TENT4B: variants seen among roughly 807,000 people sequenced by gnomAD.
TENT4B encodes PAP associated domain containing 5.
A neutral mutation model predicts 75.0 loss-of-function variants in TENT4B; 10 were observed. The observed-to-expected ratio is 0.13, with a 90% confidence interval of 0.08 to 0.23. TENT4B has a LOEUF of 0.23. Among genes scored for constraint, TENT4B ranks in the 10% least tolerant of loss-of-function variants. TENT4B has a pLI of 1.00. For synonymous variants in TENT4B, 350 were observed against 357.7 expected, an observed-to-expected ratio of 0.98 and a Z score of 0.24; for missense variants, 579 against 893.8, an observed-to-expected ratio of 0.65 and a Z score of 4.49.
chr16:50,153,887 G>T lies in TENT4B; in HGVS notation c.266G>T (p.Arg89Leu). Residue 89 changes from arginine (R) to leucine (L), a missense_variant, in exon 1 of 12, where the codon CGC becomes CTC. By Grantham distance (102) the Arg-to-Leu change is moderately radical. Transcript: ENST00000561678. ...GCCGGCATGTATCGCTCCGGGGAGC[G>T]CCTGCTGGGCAGCCACGCGCTGCCC... is the stretch of plus-strand genomic sequence containing the variant. ...APAGMYRSGE[R>L]LLGSHALPAE... 2.0e-6 allele frequency: 3 copies of T among 1,514,090 alleles called. No homozygotes were observed. The highest frequency in any genetic ancestry group is 1.8e-6 in the Non-Finnish European group (2 of 1,138,406). 93.8% of individuals were successfully genotyped at this position (1,514,090 alleles called of 1,614,324 possible).
At chr16:50,165,547 C>T (rs534229843) in intron 1 of TENT4B, among the ~76,000 whole-genome samples, 27 of 152,128 alleles carry the variant, frequency 1.8e-4, no homozygotes, top group African/African-American at 6.5e-4. Flanking sequence ...TTTTCATCAC[C>T]CCAGAAAGAA....
chr16:50,180,103 T>C (rs1237595327), intron 1 of TENT4B, among the ~76,000 whole-genome samples: 2 of 67,926 alleles, frequency 2.9e-5, no homozygotes, highest in East Asian at 8.3e-4. Flanking sequence ...CTTTCTTTTT[T>C]TCTTTTTCTT....
intron 1 of TENT4B, among the ~76,000 whole-genome samples, chr16:50,176,228 G>A (rs1263523301): frequency 6.6e-6 from 1 of 150,908 alleles, no homozygotes; most frequent in Non-Finnish European, 1.5e-5. Context: ...CTGGGATTAT[G>A]GGTGCCCATG....
At chr16:50,161,315 G>A (rs761350905) in intron 1 of TENT4B, among the ~76,000 whole-genome samples, 1 of 152,164 alleles carries the variant, frequency 6.6e-6, no homozygotes, top group African/African-American at 2.4e-5. Flanking sequence ...TTGAGTTAAA[G>A]ATTTTTGGGA....
intron 1 of TENT4B, among the ~76,000 whole-genome samples, chr16:50,168,220 ACTGC>A (rs1291319080): frequency 6.6e-6 from 1 of 150,776 alleles, no homozygotes; most frequent in Non-Finnish European, 1.5e-5. Context: ...CTTTTGAATT[ACTGC>A]CTTTGTTCAT....
chr16:50,234,492 T>G lies in TENT4B; in HGVS notation c.*5164T>G. 4.1e-6 allele frequency: 4 copies of G among 984,946 alleles called. No individual in the cohort carries two copies. The highest frequency in any genetic ancestry group is 4.8e-6 in the Non-Finnish European group (4 of 829,456). 61.0% of individuals were successfully genotyped at this position (984,946 alleles called of 1,614,324 possible). A position where few individuals can be genotyped will look rare whatever the true frequency, so the allele number is the denominator to read the frequency against. ...TCTTTCAGTTTGGGTTCTGTGCTATTCATAGTTCTTCCCTAAGACCATTTC... is the reference window on the plus strand; with the variant it reads ...TCTTTCAGTTTGGGTTCTGTGCTATGCATAGTTCTTCCCTAAGACCATTTC... On this transcript the variant is annotated 3_prime_UTR_variant, in exon 12 of 12. Coordinates refer to ENST00000561678, the MANE Select transcript of TENT4B (RefSeq NM_001365324.3).
chr16:50,178,220 C>T (rs1237946196), intron 1 of TENT4B, among the ~76,000 whole-genome samples: 5 of 145,616 alleles, frequency 3.4e-5, no homozygotes, highest in Non-Finnish European at 6.0e-5. Flanking sequence ...CTTTGGGAGG[C>T]GTAAGTGGGA....
upstream of TENT4B, chr16:50,152,955 G>A (rs2037785713): frequency 6.6e-7 from 1 of 1,508,750 alleles, no homozygotes; most frequent in South Asian, 1.2e-5. Flanking sequence ...CAACCTCCAT[G>A]CGGCCTCGTC....
intron 1 of TENT4B, among the ~76,000 whole-genome samples, chr16:50,170,177 G>A (rs1040691522): frequency 4.0e-5 from 6 of 151,460 alleles, no homozygotes; most frequent in Admixed American, 6.6e-5. Flanking sequence ...CTGCCACCAC[G>A]CCTGGCTAAT....
At chr16:50,177,308 T>C (rs1291850387) in intron 1 of TENT4B, among the ~76,000 whole-genome samples, 1 of 152,166 alleles carries the variant, frequency 6.6e-6, no homozygotes, top group African/African-American at 2.4e-5. Flanking sequence ...TGGCCCGAGA[T>C]AATATCTAAT....
upstream of TENT4B, chr16:50,152,977 C>G (rs2037786809): frequency 6.6e-7 from 1 of 1,514,126 alleles, no homozygotes; most frequent in East Asian, 2.6e-5. Context: ...ACGCTCAGCA[C>G]CGGGGAAGCC....
intron 1 of TENT4B, among the ~76,000 whole-genome samples, chr16:50,183,712 G>T (rs964861962): frequency 1.3e-5 from 2 of 152,062 alleles, no homozygotes; most frequent in Non-Finnish European, 2.9e-5. Context: ...TCAGAAATGG[G>T]CATTTGTGTC....
At chr16:50,207,873 A>C (rs2150730375) in intron 1 of TENT4B, among the ~76,000 whole-genome samples, 1 of 152,332 alleles carries the variant, frequency 6.6e-6, no homozygotes, top group Middle Eastern at 3.4e-3. Context: ...TCGTCAGGGT[A>C]TTTTAAGTGC....
At chr16:50,153,134 C>G (rs2037793743), upstream of TENT4B, 1 of 746,928 alleles carries the variant, frequency 1.3e-6, no homozygotes, top group Non-Finnish European at 1.7e-6. Context: ...GCCTCCCGGG[C>G]TGCTGCGCGG....
intron 1 of TENT4B, among the ~76,000 whole-genome samples, chr16:50,168,982 A>G (rs1015477883): frequency 6.6e-6 from 1 of 152,178 alleles, no homozygotes; most frequent in African/African-American, 2.4e-5. Context: ...TTCTTTGTGT[A>G]TCTTTAGATA....
intron 1 of TENT4B, among the ~76,000 whole-genome samples, chr16:50,157,019 T>C (rs1254511389): frequency 3.3e-5 from 5 of 152,208 alleles, no homozygotes; most frequent in Non-Finnish European, 7.3e-5. Context: ...TTTAAAAAAA[T>C]CTGAATTCAG....
rs1042044199 is a variant in TENT4B, at chr16:50,223,356, A to G, written c.1350A>G (p.Ser450=). 11 of 1,612,518 alleles carry G rather than the reference A, an allele frequency of 6.8e-6. No homozygotes were observed. The highest frequency in any genetic ancestry group is 9.3e-6 in the Non-Finnish European group (11 of 1,179,088). ...QKNMLDGYRP[S]MLYIEDPLQP... is the part of the protein sequence containing the mutation. ...ATATGCTAGATGGCTACAGGCCATC[A>G]ATGCTTTATATCGAAGATCCTTTAC... The change falls in exon 7 of 12, where the codon TCA becomes TCG. Residue 450 remains serine (S), a synonymous_variant. Transcript: ENST00000561678.
chr16:50,233,460 C>G lies in TENT4B; in HGVS notation c.*4132C>G. 1 of 985,140 alleles carries G rather than the reference C, an allele frequency of 1.0e-6. No homozygotes were observed. Among genetic ancestry groups the G allele is most frequent in the Non-Finnish European group, 1.2e-6 (1 of 829,884 alleles). The allele number at this position is 985,140 out of a possible 1,614,324, so 61.0% of individuals were successfully genotyped here. Reference sequence around the variant, plus strand: ...AACTGGAAGCCTTTTTCTCAGTCATCTTGTTCTAAGCCATCTTGACTTCAC... The same window carrying G: ...AACTGGAAGCCTTTTTCTCAGTCATGTTGTTCTAAGCCATCTTGACTTCAC... On this transcript the variant is annotated 3_prime_UTR_variant, in exon 12 of 12. Transcript: ENST00000561678.
intron 1 of TENT4B, among the ~76,000 whole-genome samples, chr16:50,154,469 C>T (rs960869414): frequency 6.6e-6 from 1 of 151,994 alleles, no homozygotes. Context: ...CCCTCCGTCT[C>T]CTGTCCTCCC....
Sources: gnomAD v4.1 joint callset for allele counts (sites outside exome capture counted in the v4.1 genomes callset) on GRCh38, gnomAD v4.1.1 for gene constraint, MANE v1.5 for transcripts, NCBI Gene and HGNC (gene_info 2026-07-23, HGNC 2026-07-21) for gene names.